Variants in GAB3 observed in about 807,000 individuals in gnomAD.
The protein encoded by GAB3 is GRB2-associated-binding protein 3.
In GAB3, 12 loss-of-function variants were observed where a neutral mutation model predicts 40.4. That is an observed-to-expected ratio of 0.30 (90% CI 0.19 to 0.48). The LOEUF is 0.48. Ranked by LOEUF, GAB3 falls within the 20% of genes least tolerant of loss-of-function variation. The probability of loss-of-function intolerance (pLI) is 0.99; values close to 1 mark genes in which losing one functional copy is unlikely to be tolerated. For synonymous variants in GAB3, 154 were observed against 176.7 expected, an observed-to-expected ratio of 0.87 and a Z score of 1.02; for missense variants, 381 against 461.9, an observed-to-expected ratio of 0.82 and a Z score of 1.61.
At position 154,699,285 on chromosome X, in the gene GAB3, A is replaced by T. The variant is rs1557251475; in HGVS notation, c.1345+9T>A. On this transcript the variant is annotated intron_variant, in intron 6 of 9. Transcript: ENST00000424127. ...TACCCCTGTACAGCAGGCCTGGTCA[A>T]GTGCTTACATTTCCTCTGAGGCTTG... The T allele has an allele frequency of 8.4e-7, 1 of 1,189,625 alleles. No individual in the cohort carries two copies. The highest frequency in any genetic ancestry group is 3.0e-5 in the East Asian group (1 of 33,717).
At chrX:154,693,235 G>C (rs782098972) in intron 8 of GAB3, among the ~76,000 whole-genome samples, 23 of 111,812 alleles carry the variant, frequency 2.1e-4, no homozygotes, top group African/African-American at 7.1e-4. Flanking sequence ...ACCTAGAACA[G>C]GTAAGTTCAT....
At chrX:154,702,399 T>G (rs1290746483) in intron 4 of GAB3, among the ~76,000 whole-genome samples, 2 of 112,286 alleles carry the variant, frequency 1.8e-5, no homozygotes, top group Non-Finnish European at 3.8e-5. Flanking sequence ...GACATCGAAC[T>G]ATAAAACTAC....
chrX:154,697,246 A>C, intron 6 of GAB3, 33 bp from the exon 7 acceptor site: 2 of 1,002,414 alleles, frequency 2.0e-6, no homozygotes, highest in South Asian at 4.6e-5. Context: ...CAGGAGGTCA[A>C]GGCCAGAGTC....
In GAB3 at chrX:154,680,098, A is replaced by T. The variant is rs781870779; in HGVS notation, c.1647+34T>A. 7 of 961,854 alleles carry T rather than the reference A, an allele frequency of 7.3e-6. No individual in the cohort carries two copies. The Admixed American group carries it at 1.6e-4, about 22-fold the overall frequency. 79.3% of individuals were successfully genotyped at this position (961,854 alleles called of 1,213,427 possible). On this transcript the variant is annotated intron_variant, in intron 9 of 9. Transcript: ENST00000424127. The stretch of plus-strand genomic sequence containing the variant: ...GAAAAGTCTAGGCAGAGATGGAATC[A>T]CCTGGGAATTCTTAGACACAAAGCC...
At chrX:154,744,973 T>C (rs1270605427) in intron 1 of GAB3, among the ~76,000 whole-genome samples, 4 of 112,091 alleles carry the variant, frequency 3.6e-5, no homozygotes, top group Non-Finnish European at 5.6e-5. Context: ...AATAATACTT[T>C]GAAATGAATT....
intron 1 of GAB3, among the ~76,000 whole-genome samples, chrX:154,738,768 C>T (rs782604444): frequency 8.9e-6 from 1 of 112,235 alleles, no homozygotes; most frequent in East Asian, 2.8e-4. Context: ...ACTAAGTCGC[C>T]TTGCCTAGGA....
intron 2 of GAB3, among the ~76,000 whole-genome samples, chrX:154,715,428 C>CAGAGAG (rs202010747): frequency 1.3e-4 from 13 of 102,575 alleles, no homozygotes; most frequent in Non-Finnish European, 1.4e-4. Flanking sequence ...GTGCGTGTGG[C>CAGAGAG]AGAGAGAGAG....
intron 1 of GAB3, among the ~76,000 whole-genome samples, chrX:154,721,554 C>A (rs2071132772): frequency 8.9e-6 from 1 of 112,231 alleles, no homozygotes; most frequent in South Asian, 3.7e-4. Context: ...ATGACCTAAC[C>A]ATCTCTTAAA....
At chrX:154,723,003 C>A (rs2071158917) in intron 1 of GAB3, among the ~76,000 whole-genome samples, 1 of 111,115 alleles carries the variant, frequency 9.0e-6, no homozygotes, top group Non-Finnish European at 1.9e-5. Flanking sequence ...CTCAGCCTCC[C>A]AAGTAGCTGG....
chrX:154,704,753 C>A (rs1428871394), intron 4 of GAB3, among the ~76,000 whole-genome samples: 1 of 111,142 alleles, frequency 9.0e-6, no homozygotes, highest in Non-Finnish European at 1.9e-5. Flanking sequence ...AAAAAGGAGG[C>A]ATTACAATAG....
At chrX:154,678,405 G>T in intron 9 of GAB3, 111 bp from the exon 10 acceptor site, 1 of 494,975 alleles carries the variant, frequency 2.0e-6, no homozygotes, top group Non-Finnish European at 3.5e-6. Flanking sequence ...CCTCTGTGTG[G>T]AAACTTTGTA....
intron 1 of GAB3, among the ~76,000 whole-genome samples, chrX:154,739,465 T>C (rs1293706433): frequency 8.9e-6 from 1 of 111,862 alleles, no homozygotes; most frequent in Non-Finnish European, 1.9e-5. Flanking sequence ...TTAAGTGAAA[T>C]CAATAAAAGA....
At chrX:154,721,757 G>A (rs1204399927) in intron 1 of GAB3, among the ~76,000 whole-genome samples, 5 of 112,306 alleles carry the variant, frequency 4.5e-5, no homozygotes, top group East Asian at 2.8e-4. Context: ...AAAGACAAGC[G>A]ATAACAAGTG....
In GAB3 at chrX:154,751,017, C is replaced by T; in HGVS notation, c.9G>A (p.Ala3=). 3.7e-6 allele frequency: 3 copies of T among 816,220 alleles called. No individual in the cohort carries two copies. The highest frequency in any genetic ancestry group is 2.2e-5 in the African/African-American group (1 of 44,662). 67.3% of individuals were successfully genotyped at this position (816,220 alleles called of 1,213,427 possible). Residue 3 remains alanine (A), a synonymous_variant, in exon 1 of 10, where the codon GCG becomes GCA. Transcript: ENST00000424127. ...GCCAGCCGGTGCACACTGCGTCGCC[C>T]GCACTCATCGTGGCCGCCGCCGCCG... The part of the protein sequence containing the change: MS[A]GDAVCTGWLV...
intron 1 of GAB3, among the ~76,000 whole-genome samples, chrX:154,731,134 G>T (rs2071284677): frequency 8.9e-6 from 1 of 112,300 alleles, no homozygotes; most frequent in African/African-American, 3.2e-5. Context: ...TTGTGTGGCA[G>T]AATCTTTGAG....
intron 1 of GAB3, among the ~76,000 whole-genome samples, chrX:154,724,056 G>A (rs782471879): frequency 1.3e-4 from 14 of 111,755 alleles, no homozygotes; most frequent in Non-Finnish European, 2.3e-4. Flanking sequence ...CTTATAAAAC[G>A]ACAATGTGGG....
rs985156873 is a variant in GAB3, at chrX:154,676,015, C to T, written c.*2163G>A. ...AAATTTTTAAAATTCTGACCCCTAT[C>T]GCCTTCCATACCTTTAATGTAGAGA... On this transcript the variant is annotated 3_prime_UTR_variant, in exon 10 of 10. Transcript: ENST00000424127. 4.5e-5 allele frequency: 5 copies of T among 111,988 alleles called. No homozygotes were observed. The highest frequency in any genetic ancestry group is 9.4e-5 in the Admixed American group (1 of 10,605). 9.2% of individuals were successfully genotyped at this position (111,988 alleles called of 1,213,427 possible). A position where few individuals can be genotyped will look rare whatever the true frequency, so the allele number is the denominator to read the frequency against.
intron 8 of GAB3, among the ~76,000 whole-genome samples, chrX:154,686,850 C>A (rs1374847477): frequency 3.6e-5 from 4 of 111,175 alleles, no homozygotes; most frequent in Non-Finnish European, 7.5e-5. Context: ...CACATAAGAT[C>A]TATGTAAAAA....
chrX:154,721,364 T>C (rs1418075378), intron 1 of GAB3, among the ~76,000 whole-genome samples: 1 of 112,603 alleles, frequency 8.9e-6, no homozygotes, highest in Non-Finnish European at 1.9e-5. Flanking sequence ...AGCACCAGCA[T>C]CTGCTCAGCA....
Sources: allele counts gnomAD v4.1 joint callset (sites outside exome capture counted in the v4.1 genomes callset), GRCh38; gene constraint gnomAD v4.1.1; transcripts MANE v1.5; gene names NCBI Gene and HGNC (gene_info 2026-07-23, HGNC 2026-07-21).